REV1: variants seen among roughly 807,000 people sequenced by gnomAD.
REV1 encodes translesion synthesis protein REV1.
Under a neutral mutation model 137.4 loss-of-function variants are expected in REV1, and 42 were observed. That is an observed-to-expected ratio of 0.31 (90% confidence interval 0.24 to 0.40). REV1 has a LOEUF of 0.40. Among genes scored for constraint, REV1 ranks in the 10% least tolerant of loss-of-function variants. REV1 has a pLI of 1.00. For missense variants in REV1, 1,282 were observed against 1,490.1 expected (o/e 0.86, Z 2.30); for synonymous variants, 524 against 519.2 (o/e 1.01, Z -0.12).
chr2:99,402,400 C>A, intron 21 of REV1, 54 bp from the exon 22 acceptor site: 1 of 914,688 alleles, frequency 1.1e-6, no homozygotes, highest in South Asian at 1.5e-5. Context: ...AGGAGAAAGT[C>A]AGAGATCTGC....
intron 13 of REV1, among the ~76,000 whole-genome samples, chr2:99,412,276 A>C (rs944586331): frequency 1.3e-5 from 2 of 151,120 alleles, no homozygotes; most frequent in Non-Finnish European, 2.9e-5. Context: ...AAAAAAAAAA[A>C]AAAAAACATA....
intron 2 of REV1, among the ~76,000 whole-genome samples, chr2:99,463,082 C>T (rs1684410289): frequency 1.3e-5 from 2 of 150,236 alleles, no homozygotes; most frequent in South Asian, 4.2e-4. Context: ...AGCAAGACTC[C>T]ATCTCAAAAA....
chr2:99,434,277 A>G, intron 8 of REV1, 55 bp downstream of exon 8: 1 of 1,194,164 alleles, frequency 8.4e-7, no homozygotes, highest in South Asian at 1.6e-5. Context: ...CCAAATAGCA[A>G]AATCCAGAAG....
chr2:99,418,822 A>G lies in REV1; in HGVS notation c.1951+6T>C. ...ATAAAAGTATTGTTAAAATATTTCT[A>G]TTTACCTGGTAGATTGGTCACTAGC... On this transcript the variant is annotated splice_donor_region_variant and intron_variant, in intron 12 of 22. Coordinates refer to ENST00000258428, the MANE Select transcript of REV1 (RefSeq NM_016316.4). The G allele has an allele frequency of 6.2e-7, 1 of 1,609,436 alleles. No individual in the cohort carries two copies. Among genetic ancestry groups the G allele is most frequent in the Non-Finnish European group, 8.5e-7 (1 of 1,176,356 alleles).
chr2:99,434,242 G>A, intron 8 of REV1, 90 bp downstream of exon 8: 1 of 728,272 alleles, frequency 1.4e-6, no homozygotes, highest in South Asian at 2.3e-5. Context: ...CTACAACTCT[G>A]CACTCATTTC....
chr2:99,486,718 G>C (rs1467253411), intron 1 of REV1, among the ~76,000 whole-genome samples: 1 of 152,152 alleles, frequency 6.6e-6, no homozygotes, highest in East Asian at 1.9e-4. Flanking sequence ...TCTGACCCTA[G>C]CTGTCTGATT....
chr2:99,448,634 T>C (rs968880969), intron 4 of REV1, among the ~76,000 whole-genome samples: 1 of 152,256 alleles, frequency 6.6e-6, no homozygotes, highest in Admixed American at 6.5e-5. Flanking sequence ...CATGGTATAA[T>C]GTACTCATAC....
chr2:99,402,943 C>T lies in REV1; in HGVS notation c.3330G>A (p.Gln1110=). 6.2e-7 allele frequency: 1 copy of T among 1,614,204 alleles called. No homozygotes were observed. The highest frequency in any genetic ancestry group is 8.5e-7 in the Non-Finnish European group (1 of 1,180,048). ...GTTTTAGAAACCCATCAATTAACTT[C>T]TGGGGACTGCCACAGGCCCCTGGCA... ...KTLPGACGSP[Q]KLIDGFLKHE... is the part of the protein sequence containing the mutation. The change falls in exon 20 of 23, where the codon CAG becomes CAA. Residue 1110 remains glutamine (Q), a synonymous_variant. Coordinates refer to ENST00000258428, the MANE Select transcript of REV1 (RefSeq NM_016316.4).
chr2:99,460,321 C>T (rs572315682), intron 3 of REV1, among the ~76,000 whole-genome samples: 14 of 152,114 alleles, frequency 9.2e-5, no homozygotes, highest in Non-Finnish European at 1.6e-4. Flanking sequence ...GTGATCTGCC[C>T]GCCTCGGCCT....
At chr2:99,453,700 C>G (rs1683181607) in intron 3 of REV1, among the ~76,000 whole-genome samples, 1 of 151,804 alleles carries the variant, frequency 6.6e-6, no homozygotes, top group African/African-American at 2.4e-5. Context: ...CGAGACCAGC[C>G]TGGCCAACAT....
chr2:99,454,595 A>C (rs1230389922), intron 3 of REV1, among the ~76,000 whole-genome samples: 9 of 143,168 alleles, frequency 6.3e-5, no homozygotes, highest in African/African-American at 2.1e-4. Context: ...AAAAAAACCC[A>C]AAAATTACGT....
chr2:99,460,559 ACCT>A (rs1198290664), intron 3 of REV1, among the ~76,000 whole-genome samples: 1 of 152,136 alleles, frequency 6.6e-6, no homozygotes, highest in Non-Finnish European at 1.5e-5. Context: ...ACAAAATAGC[ACCT>A]CCTACTTGTC....
intron 3 of REV1, among the ~76,000 whole-genome samples, chr2:99,456,377 A>C (rs1683540667): frequency 6.6e-6 from 1 of 152,214 alleles, no homozygotes; most frequent in South Asian, 2.1e-4. Context: ...AAGTAATACC[A>C]TTTTAGGTGC....
chr2:99,402,776 C>G lies in REV1; in HGVS notation c.3409G>C (p.Gly1137Arg). 1 of 1,614,184 alleles carries G rather than the reference C, an allele frequency of 6.2e-7. No homozygotes were observed. The highest frequency in any genetic ancestry group is 2.2e-5 in the East Asian group (1 of 44,886). Residue 1137 changes from glycine (G) to arginine (R), a missense_variant, in exon 21 of 23, where the codon GGT becomes CGT. By Grantham distance (125) the Gly-to-Arg change is moderately radical. Around this residue, in one of 7 missense-constraint regions of REV1, gnomAD observed 170 missense variants for 156.8 expected, o/e 1.08. Transcript: ENST00000258428. ...PLEELSASTS[G>R]VPGLSSLQSD... ...TGCAAACTAGAAAGGCCTGGCACAC[C>G]TGAAGTAGAAGCAGAGAGTTCTTCC...
intron 12 of REV1, among the ~76,000 whole-genome samples, chr2:99,416,327 CAGA>C (rs1677851110): frequency 6.6e-6 from 1 of 152,236 alleles, no homozygotes; most frequent in South Asian, 2.1e-4. Flanking sequence ...CCCTCCACCA[CAGA>C]AGGTTCCCTC....
Position 99,439,129 on chromosome 2 carries a change from T to C in REV1, c.685A>G (p.Thr229Ala). ...RGSTAIFNGHTPSSNGALKTQ... is the reference protein window; with the variant it reads ...RGSTAIFNGHAPSSNGALKTQ... Reference sequence around the variant, plus strand: ...TTTAAGGCACCATTAGAGCTAGGAGTGTGTCCATTAAAAATGGCAGTGCTC... The same window carrying C: ...TTTAAGGCACCATTAGAGCTAGGAGCGTGTCCATTAAAAATGGCAGTGCTC... The change falls in exon 6 of 23, where the codon ACT (threonine) becomes GCT (alanine). Residue 229 changes from threonine to alanine, a missense_variant. Transcript: ENST00000258428. 7 of 1,614,074 alleles carry C rather than the reference T, an allele frequency of 4.3e-6. No individual in the cohort carries two copies. The highest frequency in any genetic ancestry group is 1.7e-4 in the Middle Eastern group (1 of 6,060).
At chr2:99,428,889 G>C (rs1047169958) in intron 9 of REV1, among the ~76,000 whole-genome samples, 2 of 151,950 alleles carry the variant, frequency 1.3e-5, no homozygotes, top group African/African-American at 4.8e-5. Flanking sequence ...CTACTCGGGA[G>C]GCTGAGGCAG....
intron 14 of REV1, among the ~76,000 whole-genome samples, chr2:99,410,171 C>T (rs955283870): frequency 2.0e-5 from 3 of 152,022 alleles, no homozygotes; most frequent in African/African-American, 4.8e-5. Context: ...CCACCATGTC[C>T]GGCTAATTTT....
At chr2:99,420,579 C>G (rs1024888860) in intron 11 of REV1, among the ~76,000 whole-genome samples, 3 of 152,224 alleles carry the variant, frequency 2.0e-5, no homozygotes, top group African/African-American at 7.2e-5. Flanking sequence ...TGGTGCTTCC[C>G]CAGTAGTCCT....
Sources: allele counts gnomAD v4.1 joint callset (sites outside exome capture counted in the v4.1 genomes callset), GRCh38; gene constraint gnomAD v4.1.1; regional missense constraint gnomAD v4.1.1; transcripts MANE v1.5; gene names NCBI Gene and HGNC (gene_info 2026-07-23, HGNC 2026-07-21).